The following MGAT4C variants were observed in gnomAD, a reference collection of about 807,000 sequenced individuals.
MGAT4C encodes alpha-1,3-mannosyl-glycoprotein 4-beta-N-acetylglucosaminyltransferase C.
MGAT4C carries 19 observed loss-of-function variants against 40.1 expected under a neutral mutation model. The ratio of observed to expected loss-of-function variants is 0.47; its 90% CI spans 0.33 to 0.70. The LOEUF is 0.70. MGAT4C is among the 30% of genes least tolerant of loss of function. The pLI, the probability that MGAT4C is intolerant of heterozygous loss-of-function variation, is 0.02. For missense variants in MGAT4C, 491 were observed against 563.2 expected (o/e 0.87, Z 1.30); for synonymous variants, 181 against 187.1 (o/e 0.97, Z 0.27).
At chr12:86,115,751 G>C (rs1425995502) in intron 1 of MGAT4C, among the ~76,000 whole-genome samples, 2 of 152,162 alleles carry the variant, frequency 1.3e-5, no homozygotes, top group East Asian at 3.9e-4. Flanking sequence ...TTGTTCTGGG[G>C]AAGAAGACAA....
At chr12:86,693,323 C>G (rs1432104538) in intron 2 of MGAT4C, among the ~76,000 whole-genome samples, 2 of 152,144 alleles carry the variant, frequency 1.3e-5, no homozygotes, top group Non-Finnish European at 2.9e-5. Flanking sequence ...AGGAATTCTT[C>G]TCTTGGTTAT....
chr12:86,600,864 C>T (rs531981321), intron 2 of MGAT4C, among the ~76,000 whole-genome samples: 2 of 152,352 alleles, frequency 1.3e-5, no homozygotes, highest in South Asian at 4.1e-4. Context: ...CCCCCGCCTC[C>T]ACAGGCTCAG....
intron 1 of MGAT4C, among the ~76,000 whole-genome samples, chr12:86,065,942 G>C (rs1894497275): frequency 6.6e-6 from 1 of 152,170 alleles, no homozygotes; most frequent in Non-Finnish European, 1.5e-5. Flanking sequence ...CAAATCATGA[G>C]TGAACTCCCA....
chr12:86,811,379 G>T (rs1193238089), intron 1 of MGAT4C, among the ~76,000 whole-genome samples: 6 of 123,802 alleles, frequency 4.8e-5, no homozygotes, highest in African/African-American at 1.2e-4. Context: ...GTCTCACTCT[G>T]TCACCCAGGC....
At chr12:86,306,477 G>A (rs1953937104) in intron 4 of MGAT4C, among the ~76,000 whole-genome samples, 1 of 150,428 alleles carries the variant, frequency 6.6e-6, no homozygotes, top group South Asian at 2.1e-4. Flanking sequence ...TTCATTGATA[G>A]GAATTTCTAA....
chr12:86,094,451 A>C (rs984679255), intron 1 of MGAT4C, among the ~76,000 whole-genome samples: 2 of 152,286 alleles, frequency 1.3e-5, no homozygotes, highest in African/African-American at 4.8e-5. Flanking sequence ...TGTTATAATA[A>C]TATTGATAGA....
intron 1 of MGAT4C, among the ~76,000 whole-genome samples, chr12:86,129,134 T>C (rs1880783271): frequency 6.6e-6 from 1 of 151,966 alleles, no homozygotes; most frequent in Admixed American, 6.6e-5. Context: ...GGAGGAATTA[T>C]TTAATTATTT....
chr12:86,791,899 G>A (rs1952029271), intron 1 of MGAT4C, among the ~76,000 whole-genome samples: 1 of 152,178 alleles, frequency 6.6e-6, no homozygotes, highest in Non-Finnish European at 1.5e-5. Flanking sequence ...CAGTGATTGT[G>A]AGCCTGTAAG....
intron 1 of MGAT4C, among the ~76,000 whole-genome samples, chr12:86,777,672 T>C (rs912743729): frequency 6.6e-6 from 1 of 152,110 alleles, no homozygotes; most frequent in Non-Finnish European, 1.5e-5. Flanking sequence ...CTGAAATATA[T>C]AGTGAAGGAA....
chr12:86,113,534 G>C (rs968377894), intron 1 of MGAT4C, among the ~76,000 whole-genome samples: 4 of 151,752 alleles, frequency 2.6e-5, no homozygotes, highest in African/African-American at 9.7e-5. Context: ...AAAAAAGAAT[G>C]CAAACATGAA....
intron 2 of MGAT4C, among the ~76,000 whole-genome samples, chr12:86,536,682 A>G (rs1361709632): frequency 2.0e-5 from 3 of 152,208 alleles, no homozygotes; most frequent in Non-Finnish European, 4.4e-5. Flanking sequence ...TTGTGATTCA[A>G]TAATTTTCTA....
In MGAT4C at chr12:86,542,060, C is replaced by T. The variant is rs143197991; in HGVS notation, c.-228-106795G>A. ...CTTGTCACTAACTAGAACAGTGGTT[C>T]TCAACCTGTGGACTCCGAGTGAGAA... On this transcript the variant is annotated intron_variant, in intron 2 of 7. Transcript: ENST00000548651. 6.3e-3 allele frequency among the ~76,000 whole-genome samples: 966 copies of T among 152,298 alleles called. 9 individuals are homozygous for T. Among genetic ancestry groups the T allele is most frequent in the African/African-American group, 0.022 (922 of 41,560 alleles).
chr12:86,467,706 C>G (rs886462381), intron 2 of MGAT4C, among the ~76,000 whole-genome samples: 1 of 152,066 alleles, frequency 6.6e-6, no homozygotes, highest in African/African-American at 2.4e-5. Context: ...CCTTTTTACT[C>G]TGTTTAAATG....
intron 4 of MGAT4C, among the ~76,000 whole-genome samples, chr12:86,269,013 CATATAT>C (rs60328579): frequency 0.075 from 5,563 of 73,860 alleles, 169 homozygotes; most frequent in Non-Finnish European, 0.08. Context: ...TTCATACTTA[CATATAT>C]ATATATATAT....
intron 2 of MGAT4C, among the ~76,000 whole-genome samples, chr12:86,004,117 A>G (rs1887632294): frequency 6.6e-6 from 1 of 152,194 alleles, no homozygotes; most frequent in African/African-American, 2.4e-5. Flanking sequence ...AAAATGTCAA[A>G]AAATTTGTTC....
At chr12:86,452,958 T>C (rs1452787021) in intron 2 of MGAT4C, among the ~76,000 whole-genome samples, 1 of 152,192 alleles carries the variant, frequency 6.6e-6, no homozygotes, top group African/African-American at 2.4e-5. Context: ...GTTCCTCCAA[T>C]CCTTAATTGC....
At chr12:86,283,529 A>G (rs1370397091) in intron 4 of MGAT4C, among the ~76,000 whole-genome samples, 1 of 152,096 alleles carries the variant, frequency 6.6e-6, no homozygotes, top group Non-Finnish European at 1.5e-5. Context: ...CCACAATGGA[A>G]CAAGTTTGGT....
intron 1 of MGAT4C, among the ~76,000 whole-genome samples, chr12:86,174,004 T>C (rs1232571690): frequency 6.6e-6 from 1 of 151,828 alleles, no homozygotes; most frequent in African/African-American, 2.4e-5. Context: ...CACATTCACA[T>C]AGAGAAAGGA....
At chr12:86,373,038 C>T (rs896145210) in intron 3 of MGAT4C, among the ~76,000 whole-genome samples, 1 of 150,998 alleles carries the variant, frequency 6.6e-6, no homozygotes, top group African/African-American at 2.4e-5. Flanking sequence ...AAGAAGGCAA[C>T]AATTATTTAT....
Sources: allele counts gnomAD v4.1 joint callset (sites outside exome capture counted in the v4.1 genomes callset), GRCh38; gene constraint gnomAD v4.1.1; transcripts MANE v1.5; gene names NCBI Gene and HGNC (gene_info 2026-07-23, HGNC 2026-07-21).